The following TTC27 variants were observed in gnomAD, a reference collection of about 807,000 sequenced individuals.
TTC27 encodes the protein tetratricopeptide repeat protein 27.
Under a neutral mutation model 115.9 loss-of-function variants are expected in TTC27, and 79 were observed. The observed-to-expected ratio is 0.68, with a 90% CI of 0.57 to 0.82. The LOEUF is 0.82. Among genes scored for constraint, TTC27 ranks in the 40% least tolerant of loss-of-function variants. TTC27 has a pLI of 0.00. For synonymous variants in TTC27, 401 were observed against 356.0 expected (o/e 1.13, Z -1.42); for missense variants, 1,054 against 993.1 (o/e 1.06, Z -0.82).
At chr2:32,650,453 C>A (rs1412899943) in intron 5 of TTC27, among the ~76,000 whole-genome samples, 1 of 141,886 alleles carries the variant, frequency 7.0e-6, no homozygotes, top group Non-Finnish European at 1.5e-5. Flanking sequence ...AAGATAACTA[C>A]TTTCACTTAC....
At chr2:32,759,591 A>AAAAT (rs1354994509) in intron 13 of TTC27, among the ~76,000 whole-genome samples, 2 of 152,212 alleles carry the variant, frequency 1.3e-5, no homozygotes, top group Admixed American at 1.3e-4. Flanking sequence ...ATCTCTGAAA[A>AAAAT]AAATAAATAA....
chr2:32,815,548 C>T (rs931910589), intron 18 of TTC27, among the ~76,000 whole-genome samples: 2 of 152,122 alleles, frequency 1.3e-5, no homozygotes, highest in African/African-American at 4.8e-5. Context: ...ATTTCTCTCC[C>T]TCTAGCTGTC....
In TTC27 at chr2:32,672,539, T is replaced by C. The variant is rs115437574; in HGVS notation, c.1052+155T>C. Among the ~76,000 whole-genome samples the C allele has an allele frequency of 4.3e-3, 648 of 152,328 alleles. 6 individuals carry two copies. Among genetic ancestry groups the C allele is most frequent in the African/African-American group, 0.015 (603 of 41,576 alleles). The stretch of plus-strand genomic sequence containing the variant: ...CAGAGGAAATACTTGGAGAACCAAT[T>C]AAAGGGTTAGATATTACAAATCTCC... On this transcript the variant is annotated intron_variant, in intron 8 of 19. Transcript: ENST00000317907.
chr2:32,757,170 A>G lies in TTC27; in HGVS notation c.1453-1122A>G, dbSNP rs867899046. 3.9e-5 allele frequency among the ~76,000 whole-genome samples: 6 copies of G among 152,326 alleles called. No individual in the cohort carries two copies. In the South Asian group the frequency reaches 6.2e-4, roughly 16 times the overall value. On this transcript the variant is annotated intron_variant, in intron 12 of 19. Coordinates refer to ENST00000317907, the MANE Select transcript of TTC27 (RefSeq NM_017735.5). ...TAAATTTAGATACAATTTAATAGAC[A>G]TTGCTAAAAACCCCTCCTTTATAAA...
At chr2:32,634,713 A>G (rs1381681441) in intron 3 of TTC27, among the ~76,000 whole-genome samples, 1 of 151,614 alleles carries the variant, frequency 6.6e-6, no homozygotes, top group East Asian at 1.9e-4. Context: ...CTGGAGTACA[A>G]TGGCGCGATC....
At chr2:32,661,979 G>C (rs545333542) in intron 5 of TTC27, among the ~76,000 whole-genome samples, 3 of 152,072 alleles carry the variant, frequency 2.0e-5, no homozygotes. Context: ...TAGCATGAAG[G>C]GCTGTTTAAG....
At chr2:32,730,794 G>C (rs138322718) in intron 10 of TTC27, among the ~76,000 whole-genome samples, 25,852 of 151,524 alleles carry the variant, frequency 0.17, 2,592 homozygotes, top group South Asian at 0.36. Flanking sequence ...GCTGATTTTT[G>C]TATTTTTAGT....
chr2:32,783,341 CAG>C (rs1670245046), intron 15 of TTC27, among the ~76,000 whole-genome samples: 1 of 152,098 alleles, frequency 6.6e-6, no homozygotes, highest in South Asian at 2.1e-4. Flanking sequence ...ATAGAAGGGA[CAG>C]AGGGGAGCCT....
chr2:32,801,581 A>G (rs1670941378), intron 16 of TTC27, among the ~76,000 whole-genome samples: 1 of 152,166 alleles, frequency 6.6e-6, no homozygotes, highest in African/African-American at 2.4e-5. Context: ...GGTGCACGTG[A>G]ATTTTGGGGG....
chr2:32,685,481 A>G (rs1343819724), intron 9 of TTC27, among the ~76,000 whole-genome samples: 3 of 152,176 alleles, frequency 2.0e-5, no homozygotes, highest in African/African-American at 7.2e-5. Flanking sequence ...TCCATTGTCA[A>G]CAACTATAAA....
rs994529516 is a variant in TTC27 at position 32,791,548 on chromosome 2, G to C, written c.1998+4399G>C. Among the ~76,000 whole-genome samples the C allele has an allele frequency of 2.0e-5, 3 of 152,264 alleles. No homozygotes were observed. In the East Asian group the frequency reaches 5.8e-4, roughly 29 times the overall value. On this transcript the variant is annotated intron_variant, in intron 16 of 19. Coordinates refer to ENST00000317907, the MANE Select transcript of TTC27 (RefSeq NM_017735.5). ...GCTTATATAACTTGAGCAGTCATTT[G>C]GCTAGTAGGAACCAAAGACAGAAAT...
At chr2:32,785,027 A>G (rs1168306015) in intron 15 of TTC27, among the ~76,000 whole-genome samples, 2 of 152,214 alleles carry the variant, frequency 1.3e-5, no homozygotes, top group African/African-American at 4.8e-5. Context: ...TCTTAGAGTC[A>G]ATAGATGGTA....
intron 11 of TTC27, among the ~76,000 whole-genome samples, chr2:32,735,366 T>A (rs1198282843): frequency 6.6e-6 from 1 of 152,180 alleles, no homozygotes; most frequent in Non-Finnish European, 1.5e-5. Flanking sequence ...GTTTGATGGA[T>A]AAACATTTCA....
intron 1 of TTC27, 53 bp downstream of exon 1, chr2:32,628,433 G>C (rs1287851275): frequency 4.1e-6 from 6 of 1,457,976 alleles, no homozygotes; most frequent in African/African-American, 1.4e-5. Context: ...GTGAGGAAAA[G>C]GGATGGCAGC....
chr2:32,769,114 T>A (rs1005784394), intron 13 of TTC27, among the ~76,000 whole-genome samples: 1 of 152,132 alleles, frequency 6.6e-6, no homozygotes, highest in Admixed American at 6.5e-5. Context: ...GAAAACTGTG[T>A]TGGAAGAGAA....
chr2:32,673,749 C>G (rs1490977479), intron 8 of TTC27, among the ~76,000 whole-genome samples: 1 of 152,212 alleles, frequency 6.6e-6, no homozygotes, highest in South Asian at 2.1e-4. Context: ...AATGCCAGCA[C>G]TTTGGGAAGC....
intron 5 of TTC27, among the ~76,000 whole-genome samples, chr2:32,660,563 C>A (rs1665507928): frequency 6.6e-6 from 1 of 151,446 alleles, no homozygotes; most frequent in African/African-American, 2.4e-5. Flanking sequence ...CACATGGACA[C>A]AGGGAGGGGA....
intron 7 of TTC27, among the ~76,000 whole-genome samples, chr2:32,671,585 A>C (rs1481683858): frequency 6.6e-6 from 1 of 152,202 alleles, no homozygotes; most frequent in South Asian, 2.1e-4. Flanking sequence ...TGCCAGTACT[A>C]TACTGTCTGG....
At chr2:32,644,767 T>C (rs1664787261) in intron 4 of TTC27, among the ~76,000 whole-genome samples, 1 of 151,970 alleles carries the variant, frequency 6.6e-6, no homozygotes, top group Non-Finnish European at 1.5e-5. Context: ...CTTTCTATTA[T>C]AGATTTTTCC....
Sources: allele counts gnomAD v4.1 joint callset (sites outside exome capture counted in the v4.1 genomes callset), GRCh38; gene constraint gnomAD v4.1.1; transcripts MANE v1.5; gene names NCBI Gene and HGNC (gene_info 2026-07-23, HGNC 2026-07-21).